MDGA2: variants seen among roughly 807,000 people sequenced by gnomAD.
MDGA2 encodes the protein MAM domain containing glycosylphosphatidylinositol anchor 2.
In MDGA2, 40 loss-of-function variants were observed where a neutral mutation model predicts 117.8. That is an observed-to-expected ratio of 0.34 (90% CI 0.26 to 0.44). The LOEUF is 0.44. Ranked by LOEUF, MDGA2 falls within the 20% of genes least tolerant of loss-of-function variation. MDGA2 has a pLI of 1.00. For missense variants in MDGA2, 1,123 were observed against 1,250.6 expected, an observed-to-expected ratio of 0.90 and a Z score of 1.54; for synonymous variants, 452 against 439.0, an observed-to-expected ratio of 1.03 and a Z score of -0.37.
At chr14:47,673,456 T>C (rs906461443) in intron 1 of MDGA2, among the ~76,000 whole-genome samples, 2 of 152,150 alleles carry the variant, frequency 1.3e-5, no homozygotes, top group African/African-American at 4.8e-5. Flanking sequence ...CTGTGGACAC[T>C]GACTCAGGGG....
chr14:47,011,627 T>A (rs1887898376), intron 8 of MDGA2, among the ~76,000 whole-genome samples: 1 of 152,034 alleles, frequency 6.6e-6, no homozygotes, highest in Non-Finnish European at 1.5e-5. Context: ...ATATATTTTT[T>A]AATTTATTTA....
intron 5 of MDGA2, among the ~76,000 whole-genome samples, chr14:47,107,157 C>A (rs552585351): frequency 9.7e-4 from 147 of 151,258 alleles, no homozygotes; most frequent in Non-Finnish European, 1.7e-3. Context: ...ATCACCCTTA[C>A]CCCACTCAAG....
At chr14:47,331,789 C>G (rs1022323444) in intron 1 of MDGA2, among the ~76,000 whole-genome samples, 1 of 151,926 alleles carries the variant, frequency 6.6e-6, no homozygotes. Flanking sequence ...ATCAGGGACA[C>G]CTTTGCTGTC....
intron 1 of MDGA2, among the ~76,000 whole-genome samples, chr14:47,606,891 A>C (rs1896753047): frequency 6.6e-6 from 1 of 152,172 alleles, no homozygotes; most frequent in Admixed American, 6.6e-5. Flanking sequence ...CAGCTTAATG[A>C]GTAATACAAA....
intron 1 of MDGA2, among the ~76,000 whole-genome samples, chr14:47,645,525 C>A (rs564547029): frequency 6.6e-6 from 1 of 151,838 alleles, no homozygotes. Context: ...TGAGCCACCG[C>A]GCCCGGCCCA....
At chr14:47,508,772 C>T (rs1286553912) in intron 1 of MDGA2, among the ~76,000 whole-genome samples, 3 of 152,210 alleles carry the variant, frequency 2.0e-5, no homozygotes, top group East Asian at 3.9e-4. Flanking sequence ...CTCCGCCTCC[C>T]GGGTTCATGC....
intron 1 of MDGA2, among the ~76,000 whole-genome samples, chr14:47,372,714 G>T (rs1214846299): frequency 6.6e-6 from 1 of 151,852 alleles, no homozygotes; most frequent in African/African-American, 2.4e-5. Context: ...GGGGAATCTA[G>T]CCTATAGAAA....
intron 8 of MDGA2, among the ~76,000 whole-genome samples, chr14:46,968,896 C>T (rs181785100): frequency 5.3e-4 from 79 of 148,216 alleles, no homozygotes; most frequent in African/African-American, 1.8e-3. Flanking sequence ...TTGCAGGATA[C>T]AAAATCAAAA....
At chr14:47,119,360 C>G (rs774575460) in intron 5 of MDGA2, among the ~76,000 whole-genome samples, 1 of 152,076 alleles carries the variant, frequency 6.6e-6, no homozygotes, top group Non-Finnish European at 1.5e-5. Context: ...CCACCGGGCC[C>G]GGCCCTACAT....
intron 2 of MDGA2, among the ~76,000 whole-genome samples, chr14:47,297,586 A>G (rs1889121948): frequency 6.6e-6 from 1 of 152,072 alleles, no homozygotes. Flanking sequence ...AGCTGTAGAC[A>G]TCTAGAGTTT....
chr14:47,407,403 A>AT (rs1270752869), intron 1 of MDGA2, among the ~76,000 whole-genome samples: 1 of 152,108 alleles, frequency 6.6e-6, no homozygotes, highest in Non-Finnish European at 1.5e-5. Flanking sequence ...AGTAATCATT[A>AT]TTTTTATTAG....
intron 1 of MDGA2, among the ~76,000 whole-genome samples, chr14:47,627,896 A>C (rs1361991129): frequency 6.6e-6 from 1 of 152,200 alleles, no homozygotes; most frequent in Non-Finnish European, 1.5e-5. Flanking sequence ...CAGAAGGAAG[A>C]AACTCCGCAC....
Position 46,929,649 on chromosome 14 carries a change from A to ATT in MDGA2, c.2090-9491_2090-9490dup, listed in dbSNP as rs1180832509. The stretch of plus-strand genomic sequence containing the variant: ...TATATATATATATATATATATATAC[A>ATT]TTTTTTTTTTTTTTTTTTCGAGATG... On this transcript the variant is annotated intron_variant, in intron 9 of 16. Transcript: ENST00000399232. 6.4e-3 allele frequency among the ~76,000 whole-genome samples: 87 copies of ATT among 13,680 alleles called. 17 individuals carry two copies. The highest frequency in any genetic ancestry group is 0.031 in the Middle Eastern group (1 of 32). 9.0% of individuals were successfully genotyped at this position (13,680 alleles called of 152,430 possible). A position where few individuals can be genotyped will look rare whatever the true frequency, so the allele number is the denominator to read the frequency against.
intron 1 of MDGA2, among the ~76,000 whole-genome samples, chr14:47,325,685 A>G (rs1566739654): frequency 6.6e-6 from 1 of 152,186 alleles, no homozygotes; most frequent in Non-Finnish European, 1.5e-5. Flanking sequence ...GCAGGAGAGA[A>G]GTATATATGC....
At chr14:47,238,165 G>A (rs1206341819) in intron 2 of MDGA2, among the ~76,000 whole-genome samples, 1 of 152,098 alleles carries the variant, frequency 6.6e-6, no homozygotes, top group East Asian at 1.9e-4. Context: ...AGGCTTCCCT[G>A]AACACTCTAT....
intron 6 of MDGA2, among the ~76,000 whole-genome samples, chr14:47,062,024 C>G (rs1343583888): frequency 6.6e-6 from 1 of 151,928 alleles, no homozygotes; most frequent in African/African-American, 2.4e-5. Flanking sequence ...AAATATTACA[C>G]AAAGGACATA....
In MDGA2 at chr14:47,560,169, G is replaced by A. The variant is rs546705793; in HGVS notation, c.280+114348C>T. On this transcript the variant is annotated intron_variant, in intron 1 of 16. Coordinates refer to ENST00000399232, the MANE Select transcript of MDGA2 (RefSeq NM_001113498.3). ...TGCAAGCTCCACCTCCCGGGTTCAC[G>A]CCATTCTCCTGCGTCAGCCTTCCGA... Among the ~76,000 whole-genome samples the A allele has an allele frequency of 5.4e-3, 821 of 151,478 alleles. 8 individuals carry two copies. The highest frequency in any genetic ancestry group is 0.019 in the African/African-American group (769 of 41,258).
chr14:46,875,634 G>A (rs980940243), intron 12 of MDGA2, among the ~76,000 whole-genome samples: 11 of 151,654 alleles, frequency 7.3e-5, no homozygotes, highest in Non-Finnish European at 1.3e-4. Flanking sequence ...GGTAACAGCA[G>A]TGTAGCAGTG....
At chr14:47,568,772 A>T (rs929376206) in intron 1 of MDGA2, among the ~76,000 whole-genome samples, 1 of 152,168 alleles carries the variant, frequency 6.6e-6, no homozygotes, top group Non-Finnish European at 1.5e-5. Context: ...TTTAATGCAG[A>T]ATTTTTTTCA....
Sources: gnomAD v4.1 joint callset for allele counts (sites outside exome capture counted in the v4.1 genomes callset) on GRCh38, gnomAD v4.1.1 for gene constraint, MANE v1.5 for transcripts, NCBI Gene and HGNC (gene_info 2026-07-23, HGNC 2026-07-21) for gene names.